GABRG3: variants seen among roughly 807,000 people sequenced by gnomAD.
The protein encoded by GABRG3 is gamma-aminobutyric acid type A receptor subunit gamma3, also known as gamma-aminobutyric acid receptor subunit gamma-3.
A neutral mutation model predicts 48.8 loss-of-function variants in GABRG3; 25 were observed. The observed-to-expected ratio is 0.51, with a 90% CI of 0.37 to 0.72. GABRG3 has a LOEUF of 0.72. Among genes scored for constraint, GABRG3 ranks in the 30% least tolerant of loss-of-function variants. The pLI, the probability that GABRG3 is intolerant of heterozygous loss-of-function variation, is 0.00. For synonymous variants in GABRG3, 227 were observed against 217.6 expected (o/e 1.04, Z -0.38); for missense variants, 394 against 577.9 (o/e 0.68, Z 3.26).
chr15:27,418,892 A>G (rs921890592), intron 5 of GABRG3: 1 of 152,192 alleles, frequency 6.6e-6, no homozygotes, highest in Non-Finnish European at 1.5e-5. Flanking sequence ...AGGCATGAGT[A>G]TCAAGTCTCA....
intron 3 of GABRG3, among the ~76,000 whole-genome samples, chr15:27,246,680 T>C: frequency 6.6e-6 from 1 of 152,208 alleles, no homozygotes; most frequent in East Asian, 1.9e-4. Flanking sequence ...ATTTCTAATC[T>C]AGCATCAGTA....
intron 3 of GABRG3, among the ~76,000 whole-genome samples, chr15:27,189,110 A>G (rs892447762): frequency 1.3e-5 from 2 of 152,164 alleles, no homozygotes; most frequent in South Asian, 2.1e-4. Context: ...TACCAGTACC[A>G]TGCTGTTTTG....
chr15:27,373,757 G>A (rs10152801), intron 5 of GABRG3, among the ~76,000 whole-genome samples: 3 of 151,844 alleles, frequency 2.0e-5, no homozygotes, highest in South Asian at 2.1e-4. Context: ...TTTTCTCTCC[G>A]GATGATTTAT....
chr15:27,443,942 A>G (rs1313927190), intron 5 of GABRG3, among the ~76,000 whole-genome samples: 2 of 152,234 alleles, frequency 1.3e-5, no homozygotes, highest in Non-Finnish European at 2.9e-5. Context: ...AAGGTAAAAC[A>G]TATCTATTAA....
At chr15:27,243,068 C>T (rs907115293) in intron 3 of GABRG3, among the ~76,000 whole-genome samples, 5 of 152,108 alleles carry the variant, frequency 3.3e-5, no homozygotes, top group South Asian at 2.1e-4. Context: ...CGACCCGTAG[C>T]GTTTTGATCT....
intron 3 of GABRG3, among the ~76,000 whole-genome samples, chr15:27,110,016 C>T (rs915541699): frequency 3.3e-5 from 5 of 152,112 alleles, no homozygotes; most frequent in Middle Eastern, 3.2e-3. Context: ...TTAGGCTGTT[C>T]ATGTTTAAAA....
intron 3 of GABRG3, among the ~76,000 whole-genome samples, chr15:27,167,862 G>C (rs969587132): frequency 6.6e-6 from 1 of 152,150 alleles, no homozygotes; most frequent in Non-Finnish European, 1.5e-5. Context: ...GGGGGTGGAG[G>C]TGCGATCAAG....
At chr15:27,278,331 T>A (rs1412113504) in intron 3 of GABRG3, among the ~76,000 whole-genome samples, 1 of 152,144 alleles carries the variant, frequency 6.6e-6, no homozygotes, top group Non-Finnish European at 1.5e-5. Flanking sequence ...ATTACAGGCG[T>A]GAGCCACTGC....
intron 5 of GABRG3, among the ~76,000 whole-genome samples, chr15:27,435,865 G>A (rs1888594348): frequency 6.6e-6 from 1 of 152,166 alleles, no homozygotes; most frequent in Admixed American, 6.5e-5. Flanking sequence ...GGTATGAGGT[G>A]GGGAAAGCAG....
At chr15:27,004,101 A>G (rs1595466703) in intron 2 of GABRG3, among the ~76,000 whole-genome samples, 1 of 139,672 alleles carries the variant, frequency 7.2e-6, no homozygotes, top group East Asian at 2.4e-4. Context: ...TCCCTCCCGG[A>G]CGGGGCGGCT....
chr15:26,979,130 G>T (rs996470404), intron 2 of GABRG3, among the ~76,000 whole-genome samples: 1 of 152,138 alleles, frequency 6.6e-6, no homozygotes, highest in Admixed American at 6.6e-5. Flanking sequence ...TTTTGCCTGT[G>T]TTAATTTCTA....
intron 3 of GABRG3, among the ~76,000 whole-genome samples, chr15:27,262,190 A>G (rs532734605): frequency 2.8e-4 from 42 of 152,318 alleles, no homozygotes; most frequent in African/African-American, 1.0e-3. Flanking sequence ...GCACCAGGCA[A>G]GGGGAGCTGA....
chr15:27,394,658 A>C (rs1055869241), intron 5 of GABRG3, among the ~76,000 whole-genome samples: 1 of 152,160 alleles, frequency 6.6e-6, no homozygotes, highest in African/African-American at 2.4e-5. Context: ...GGGTGCTCTC[A>C]GTTTTTAAAA....
chr15:27,162,395 C>T (rs1875229260), intron 3 of GABRG3, among the ~76,000 whole-genome samples: 1 of 152,142 alleles, frequency 6.6e-6, no homozygotes, highest in Non-Finnish European at 1.5e-5. Context: ...AGCAGCCATA[C>T]TTTTGGCCTT....
At chr15:27,368,345 T>C (rs1895280508) in intron 5 of GABRG3, among the ~76,000 whole-genome samples, 1 of 151,854 alleles carries the variant, frequency 6.6e-6, no homozygotes, top group Non-Finnish European at 1.5e-5. Flanking sequence ...ACTCACGGAG[T>C]GCTAGGGTGG....
At chr15:27,118,078 T>C (rs1263427397) in intron 3 of GABRG3, among the ~76,000 whole-genome samples, 2 of 152,218 alleles carry the variant, frequency 1.3e-5, no homozygotes, top group Non-Finnish European at 2.9e-5. Context: ...GCTTCATCTT[T>C]CCAGACCATT....
chr15:27,073,051 G>C (rs945934132), intron 3 of GABRG3, among the ~76,000 whole-genome samples: 3 of 152,174 alleles, frequency 2.0e-5, no homozygotes, highest in Non-Finnish European at 2.9e-5. Flanking sequence ...TCCAGCCCAG[G>C]GTCCCGGATA....
intron 5 of GABRG3, among the ~76,000 whole-genome samples, chr15:27,399,299 G>A (rs986023871): frequency 2.0e-5 from 3 of 152,296 alleles, no homozygotes; most frequent in African/African-American, 7.2e-5. Context: ...ATAAATGGAT[G>A]TCAGTTCTGG....
intron 5 of GABRG3, among the ~76,000 whole-genome samples, chr15:27,334,382 G>T (rs908523866): frequency 6.6e-6 from 1 of 152,042 alleles, no homozygotes; most frequent in African/African-American, 2.4e-5. Flanking sequence ...TTTAGTTTGA[G>T]ATATAGAAAA....
Sources: gnomAD v4.1 joint callset for allele counts (sites outside exome capture counted in the v4.1 genomes callset) on GRCh38, gnomAD v4.1.1 for gene constraint, MANE v1.5 for transcripts, NCBI Gene and HGNC (gene_info 2026-07-23, HGNC 2026-07-21) for gene names.